SLC38A4: variants seen among roughly 807,000 people sequenced by gnomAD.
SLC38A4 encodes sodium-coupled neutral amino acid transporter 4.
SLC38A4 carries 20 observed loss-of-function variants against 63.1 expected under a neutral mutation model. That is an observed-to-expected ratio of 0.32 (90% CI 0.22 to 0.46). The LOEUF is 0.46. SLC38A4 is among the 20% of genes least tolerant of loss of function. SLC38A4 has a pLI of 1.00. For missense variants in SLC38A4, 526 were observed against 663.6 expected (o/e 0.79, Z 2.28); for synonymous variants, 230 against 225.5 (o/e 1.02, Z -0.18).
At chr12:46,807,331 T>G (rs1001696601) in intron 1 of SLC38A4, among the ~76,000 whole-genome samples, 1 of 152,060 alleles carries the variant, frequency 6.6e-6, no homozygotes, top group African/African-American at 2.4e-5. Flanking sequence ...GTATTTATGA[T>G]GCCTTATTCT....
chr12:46,787,541 C>T (rs568312760), intron 5 of SLC38A4, among the ~76,000 whole-genome samples: 2 of 152,148 alleles, frequency 1.3e-5, no homozygotes, highest in Non-Finnish European at 2.9e-5. Context: ...GTGTATCTGT[C>T]GCACAGGGGT....
At chr12:46,827,030 A>C (rs1939667320), upstream of SLC38A4, among the ~76,000 whole-genome samples, 1 of 152,216 alleles carries the variant, frequency 6.6e-6, no homozygotes, top group African/African-American at 2.4e-5. Context: ...GGGTGACAGT[A>C]GTGAACAAAA....
At chr12:46,799,721 T>A (rs1006179899) in intron 2 of SLC38A4, among the ~76,000 whole-genome samples, 2 of 152,172 alleles carry the variant, frequency 1.3e-5, no homozygotes, top group Non-Finnish European at 2.9e-5. Flanking sequence ...AATGGTTAAA[T>A]GCACAATTCA....
intron 13 of SLC38A4, among the ~76,000 whole-genome samples, chr12:46,775,698 T>A (rs1938510854): frequency 6.6e-6 from 1 of 152,006 alleles, no homozygotes; most frequent in Admixed American, 6.6e-5. Context: ...AAGTTTTTGC[T>A]TGTCTTATGA....
intron 1 of SLC38A4, among the ~76,000 whole-genome samples, chr12:46,804,080 C>T (rs762943271): frequency 5.3e-5 from 8 of 151,914 alleles, no homozygotes; most frequent in African/African-American, 7.2e-5. Flanking sequence ...GAAACATAAT[C>T]GAAATCTCCA....
chr12:46,772,270 C>T (rs1332064375), intron 14 of SLC38A4, among the ~76,000 whole-genome samples: 2 of 151,994 alleles, frequency 1.3e-5, no homozygotes, highest in Admixed American at 6.6e-5. Context: ...CGCTGCATTT[C>T]TATGTTGATA....
intron 13 of SLC38A4, among the ~76,000 whole-genome samples, chr12:46,775,590 A>G (rs1938508192): frequency 6.6e-6 from 1 of 151,980 alleles, no homozygotes; most frequent in South Asian, 2.1e-4. Context: ...TTACAAACCC[A>G]GTGTGTAAAC....
chr12:46,783,836 G>A (rs772578258), intron 7 of SLC38A4, among the ~76,000 whole-genome samples: 5 of 151,940 alleles, frequency 3.3e-5, no homozygotes, highest in South Asian at 2.1e-4. Context: ...GGAAGCAGCC[G>A]GCAGGACATC....
intron 1 of SLC38A4, among the ~76,000 whole-genome samples, chr12:46,810,450 T>A (rs1939317865): frequency 6.6e-6 from 1 of 151,744 alleles, no homozygotes; most frequent in Non-Finnish European, 1.5e-5. Context: ...AGGTGACAGG[T>A]TGATGGGTGC....
chr12:46,801,612 G>T (rs565977148), intron 2 of SLC38A4, among the ~76,000 whole-genome samples: 1 of 152,138 alleles, frequency 6.6e-6, no homozygotes, highest in African/African-American at 2.4e-5. Context: ...TTTACCCTTT[G>T]GTTGAGCAAG....
At chr12:46,813,542 G>A (rs1939380228) in intron 1 of SLC38A4, among the ~76,000 whole-genome samples, 2 of 151,868 alleles carry the variant, frequency 1.3e-5, no homozygotes, top group South Asian at 2.1e-4. Context: ...TTCCTCCTTC[G>A]TGCTGTCTGT....
chr12:46,778,450 A>G lies in SLC38A4; in HGVS notation c.993+51T>C, dbSNP rs552720899. 12 of 1,610,820 alleles carry G rather than the reference A, an allele frequency of 7.4e-6. No individual in the cohort carries two copies. The South Asian group carries it at 1.2e-4, about 16-fold the overall frequency. On this transcript the variant is annotated intron_variant, in intron 11 of 16. Coordinates refer to ENST00000266579, the MANE Select transcript of SLC38A4 (RefSeq NM_018018.5). ...GGCCATCTCAGTTTATTGAATAAAAACTTAGAAAACACATAACTGTACTCA... is the reference window on the plus strand; with the variant it reads ...GGCCATCTCAGTTTATTGAATAAAAGCTTAGAAAACACATAACTGTACTCA...
intron 2 of SLC38A4, among the ~76,000 whole-genome samples, chr12:46,801,338 T>A (rs1939128663): frequency 6.6e-6 from 1 of 152,120 alleles, no homozygotes; most frequent in South Asian, 2.1e-4. Flanking sequence ...GTAAATTTCT[T>A]AAATTTTACC....
chr12:46,774,798 T>C lies in SLC38A4; in HGVS notation c.1299+251A>G, dbSNP rs528386558. Among the ~76,000 whole-genome samples, 10 of 152,150 alleles carry C rather than the reference T, an allele frequency of 6.6e-5. 3 individuals are homozygous for C. The highest frequency in any genetic ancestry group is 2.2e-4 in the African/African-American group (9 of 41,562). ...CACAAGACAGAAGCTCCAGCTCCAC[T>C]TTTCAACTTTGAGTTTAAAAATAAG... On this transcript the variant is annotated intron_variant, in intron 14 of 16. Transcript: ENST00000266579.
intron 2 of SLC38A4, among the ~76,000 whole-genome samples, chr12:46,801,341 A>C (rs1429386962): frequency 6.6e-6 from 1 of 152,096 alleles, no homozygotes; most frequent in Non-Finnish European, 1.5e-5. Context: ...AATTTCTTAA[A>C]TTTTACCTGT....
In SLC38A4 at chr12:46,786,898, A is replaced by C. The variant is rs577422614; in HGVS notation, c.326+1018T>G. 6.0e-4 allele frequency among the ~76,000 whole-genome samples: 92 copies of C among 152,332 alleles called. 1 individual carries two copies. Among genetic ancestry groups the C allele is most frequent in the Admixed American group, 1.0e-3 (16 of 15,288 alleles). ...TGATATAAATGTTGCATTCTTAGAC[A>C]GTTATTTAACTCTCTAGCGTTGCAT... On this transcript the variant is annotated intron_variant, in intron 5 of 16. Coordinates refer to ENST00000266579, the MANE Select transcript of SLC38A4 (RefSeq NM_018018.5).
rs916294846 is a variant in SLC38A4, at chr12:46,765,631, C to A, written c.*1070G>T. 3 of 178,548 alleles carry A rather than the reference C, an allele frequency of 1.7e-5. No individual in the cohort carries two copies. In the South Asian group the frequency reaches 2.6e-4, roughly 16 times the overall value. 11.1% of individuals were successfully genotyped at this position (178,548 alleles called of 1,614,324 possible). On this transcript the variant is annotated 3_prime_UTR_variant, in exon 17 of 17. Coordinates refer to ENST00000266579, the MANE Select transcript of SLC38A4 (RefSeq NM_018018.5). ...TCGAGCCCACCAACTTAATTCCCTG[C>A]CCCCACCCCCAATAATATAAATGCT... is the stretch of plus-strand genomic sequence containing the variant.
At chr12:46,771,521 G>A (rs1938415307) in intron 14 of SLC38A4, among the ~76,000 whole-genome samples, 1 of 152,036 alleles carries the variant, frequency 6.6e-6, no homozygotes, top group South Asian at 2.1e-4. Context: ...AATGATATGA[G>A]ATCACAGAAA....
At chr12:46,807,903 A>G (rs61927984) in intron 1 of SLC38A4, among the ~76,000 whole-genome samples, 1 of 141,128 alleles carries the variant, frequency 7.1e-6, no homozygotes, top group Non-Finnish European at 1.6e-5. Context: ...CCCCCCCCAA[A>G]GCCACATATA....
Sources: gnomAD v4.1 joint callset for allele counts (sites outside exome capture counted in the v4.1 genomes callset) on GRCh38, gnomAD v4.1.1 for gene constraint, MANE v1.5 for transcripts, NCBI Gene and HGNC (gene_info 2026-07-23, HGNC 2026-07-21) for gene names.